Variants in NRG1 observed in about 807,000 individuals in gnomAD.
NRG1 encodes the protein pro-neuregulin-1, membrane-bound isoform.
Under a neutral mutation model 63.8 loss-of-function variants are expected in NRG1, and 18 were observed. The ratio of observed to expected loss-of-function variants is 0.28; its 90% CI spans 0.19 to 0.42. NRG1 has a LOEUF of 0.42. Ranked by LOEUF, NRG1 falls within the 10% of genes least tolerant of loss-of-function variation. The pLI is 1.00. For missense variants in NRG1, 762 were observed against 814.7 expected, an observed-to-expected ratio of 0.94 and a Z score of 0.79; for synonymous variants, 302 against 301.3, an observed-to-expected ratio of 1.00 and a Z score of -0.02.
At chr8:32,147,420 T>A (rs1364381546) in intron 1 of NRG1, among the ~76,000 whole-genome samples, 1 of 152,224 alleles carries the variant, frequency 6.6e-6, no homozygotes, top group Non-Finnish European at 1.5e-5. Flanking sequence ...TGTAATCCTA[T>A]GCAGTCACTA....
chr8:32,482,867 C>T (rs368612417), intron 1 of NRG1, among the ~76,000 whole-genome samples: 13 of 152,166 alleles, frequency 8.5e-5, no homozygotes, highest in African/African-American at 3.1e-4. Context: ...CACTCCCAGC[C>T]GTCAACCAGC....
chr8:32,591,847 T>C (rs1842579268), intron 1 of NRG1, among the ~76,000 whole-genome samples: 1 of 151,996 alleles, frequency 6.6e-6, no homozygotes, highest in African/African-American at 2.4e-5. Flanking sequence ...GTACTATGCT[T>C]ATTACTTGGA....
intron 1 of NRG1, among the ~76,000 whole-genome samples, chr8:31,840,349 CTTTTT>C (rs71992716): frequency 5.1e-5 from 6 of 116,862 alleles, no homozygotes; most frequent in African/African-American, 6.4e-5. Context: ...TATTCTCTGT[CTTTTT>C]TTTTTTTTTT....
chr8:32,549,242 C>G (rs1210443682), intron 1 of NRG1, among the ~76,000 whole-genome samples: 1 of 152,368 alleles, frequency 6.6e-6, no homozygotes, highest in Middle Eastern at 3.4e-3. Context: ...TAGCGGGAAA[C>G]GCTGGAATGG....
chr8:32,083,793 T>A (rs1480187976), intron 1 of NRG1, among the ~76,000 whole-genome samples: 1 of 150,426 alleles, frequency 6.6e-6, no homozygotes, highest in Admixed American at 6.7e-5. Context: ...ATTTTTTTAA[T>A]AAAAGAAAGT....
intron 1 of NRG1, among the ~76,000 whole-genome samples, chr8:31,644,568 A>G (rs528487127): frequency 1.4e-4 from 22 of 152,320 alleles, no homozygotes; most frequent in African/African-American, 5.3e-4. Context: ...ACAACAGAGA[A>G]TTAAAACAGT....
At chr8:32,096,898 G>A (rs1829969892) in intron 1 of NRG1, among the ~76,000 whole-genome samples, 1 of 152,146 alleles carries the variant, frequency 6.6e-6, no homozygotes, top group Non-Finnish European at 1.5e-5. Context: ...CCAAACTGTA[G>A]CACTATAGTC....
intron 1 of NRG1, among the ~76,000 whole-genome samples, chr8:32,527,998 G>T (rs1039308116): frequency 3.3e-5 from 5 of 152,026 alleles, no homozygotes; most frequent in African/African-American, 9.7e-5. Flanking sequence ...TACATGTGCC[G>T]TTCCCCTTTG....
intron 5 of NRG1, among the ~76,000 whole-genome samples, chr8:32,698,620 G>A (rs72634892): frequency 0.013 from 1,926 of 152,298 alleles, 27 homozygotes; most frequent in Non-Finnish European, 0.019. Context: ...GAGGTGAGCC[G>A]GGGAACTGTA....
At chr8:32,089,966 T>A (rs1828860048) in intron 1 of NRG1, among the ~76,000 whole-genome samples, 1 of 152,230 alleles carries the variant, frequency 6.6e-6, no homozygotes, top group Non-Finnish European at 1.5e-5. Flanking sequence ...ATGTATGTGG[T>A]GAAACAGAAC....
chr8:31,865,804 T>G (rs1406038822), intron 1 of NRG1, among the ~76,000 whole-genome samples: 1 of 152,182 alleles, frequency 6.6e-6, no homozygotes, highest in Non-Finnish European at 1.5e-5. Flanking sequence ...GAGAGCAGAC[T>G]AATACACCAT....
rs916922728 is a variant in NRG1, at chr8:32,596,232, T to C, written c.278+227T>C. Among the ~76,000 whole-genome samples, 21 of 152,134 alleles carry C rather than the reference T, an allele frequency of 1.4e-4. 1 individual carries two copies. Among genetic ancestry groups the C allele is most frequent in the Non-Finnish European group, 8.8e-5 (6 of 68,018 alleles). ...AATAAAGGATGGCTGGAGAAAGAACTGTAGGAAGTAAGAAGAGATGGAAGG... is the reference window on the plus strand; with the variant it reads ...AATAAAGGATGGCTGGAGAAAGAACCGTAGGAAGTAAGAAGAGATGGAAGG... On this transcript the variant is annotated intron_variant, in intron 2 of 11. Transcript: ENST00000356819.
chr8:32,256,707 T>A (rs1184543912), intron 1 of NRG1: 1 of 152,548 alleles, frequency 6.6e-6, no homozygotes, highest in East Asian at 1.9e-4. Context: ...CTCTCTTGTG[T>A]GAGGTGTCTG....
rs568537856 is a variant in NRG1 at position 31,915,840 on chromosome 8, TG to T, written c.37+276410del. On this transcript the variant is annotated intron_variant, in intron 1 of 10. Coordinates refer to the NRG1 transcript ENST00000519301. ...TACATATATTATGTACAATATTTTTTGTATGGTGGGTTTTCATCGAGTACCC... is the reference window on the plus strand; with the variant it reads ...TACATATATTATGTACAATATTTTTTTATGGTGGGTTTTCATCGAGTACCC... Among the ~76,000 whole-genome samples, 28 of 152,238 alleles carry T rather than the reference TG, an allele frequency of 1.8e-4. 1 individual carries two copies. The highest frequency in any genetic ancestry group is 6.5e-4 in the African/African-American group (27 of 41,572).
intron 1 of NRG1, among the ~76,000 whole-genome samples, chr8:31,978,028 C>T (rs1808477901): frequency 6.6e-6 from 1 of 152,022 alleles, no homozygotes; most frequent in African/African-American, 2.4e-5. Flanking sequence ...TCAAATGTAA[C>T]AGGATTGTTG....
At chr8:32,474,468 G>A (rs1453500750) in intron 1 of NRG1, among the ~76,000 whole-genome samples, 3 of 98,242 alleles carry the variant, frequency 3.1e-5, no homozygotes, top group African/African-American at 1.2e-4. Context: ...CTCTGGTTCT[G>A]CCTTGGACTG....
intron 1 of NRG1, among the ~76,000 whole-genome samples, chr8:32,189,472 C>T (rs566952170): frequency 1.7e-4 from 26 of 152,240 alleles, no homozygotes; most frequent in African/African-American, 2.9e-4. Context: ...TAACAGAGCA[C>T]GGTCCTGGCT....
intron 1 of NRG1, among the ~76,000 whole-genome samples, chr8:32,167,425 A>G (rs2131971459): frequency 6.6e-6 from 1 of 152,318 alleles, no homozygotes; most frequent in African/African-American, 2.4e-5. Context: ...TACGGGGTTG[A>G]TGAACATATA....
chr8:32,188,987 G>C (rs1842228067), intron 1 of NRG1, among the ~76,000 whole-genome samples: 1 of 151,948 alleles, frequency 6.6e-6, no homozygotes. Context: ...AAAAGTCAAG[G>C]AAGTGAATTA....
Sources: allele counts gnomAD v4.1 joint callset (sites outside exome capture counted in the v4.1 genomes callset), GRCh38; gene constraint gnomAD v4.1.1; transcripts MANE v1.5; gene names NCBI Gene and HGNC (gene_info 2026-07-23, HGNC 2026-07-21).